AATK: variants seen among roughly 807,000 people sequenced by gnomAD.
AATK encodes the protein lemur tail kinase 1.
AATK carries 91 observed loss-of-function variants against 114.3 expected under a neutral mutation model. That is an observed-to-expected ratio of 0.80 (90% CI 0.67 to 0.95). The LOEUF (loss-of-function observed/expected upper bound fraction) is 0.95. Ranked by LOEUF, AATK falls within the 40% of genes least tolerant of loss-of-function variation. The pLI is 0.00. For synonymous variants in AATK, 1,075 were observed against 916.5 expected, an observed-to-expected ratio of 1.17 and a Z score of -3.12; for missense variants, 2,176 against 1,965.2, an observed-to-expected ratio of 1.11 and a Z score of -2.03.
chr17:81,160,855 A>G lies in AATK; in HGVS notation c.55+5083T>C, dbSNP rs568388057. Among the ~76,000 whole-genome samples the G allele has an allele frequency of 3.3e-5, 5 of 152,300 alleles. No homozygotes were observed. In the East Asian group the frequency reaches 9.7e-4, roughly 29 times the overall value. On this transcript the variant is annotated intron_variant, in intron 1 of 13. Coordinates refer to ENST00000326724, the MANE Select transcript of AATK (RefSeq NM_001080395.3). The stretch of plus-strand genomic sequence containing the variant: ...GGTGACAGCAGAACAGCGTGGTCCC[A>G]GGCTCACCGCCGACACCACATCCGA...
At chr17:81,133,353 C>T in intron 2 of AATK, 2 of 369,642 alleles carry the variant, frequency 5.4e-6, no homozygotes, top group Non-Finnish European at 1.1e-5. Flanking sequence ...CATGACATAC[C>T]AGGGGCAGGG....
rs1464586498 is a variant in AATK, at chr17:81,122,386, G to C, written c.1550C>G (p.Pro517Arg). 1 of 1,488,658 alleles carries C rather than the reference G, an allele frequency of 6.7e-7. No individual in the cohort carries two copies. Among genetic ancestry groups the C allele is most frequent in the Admixed American group, 2.2e-5 (1 of 45,964 alleles). The allele number at this position is 1,488,658 out of a possible 1,614,324, so 92.2% of individuals were successfully genotyped here. The change falls in exon 11 of 14, where the codon CCG becomes CGG. Residue 517 changes from proline (P) to arginine (R), a missense_variant. By Grantham distance (103) the Pro-to-Arg change is moderately radical. Coordinates refer to ENST00000326724, the MANE Select transcript of AATK (RefSeq NM_001080395.3). ...CGACGGGCTGTGCGCGCTGAGCACC[G>C]GAACCACGCCCGGGGGCGCGCCGTC... ...APDGAPPGVV[P>R]VLSAHSPSLG...
In AATK at chr17:81,126,411, C is replaced by G; in HGVS notation, c.755+16G>C. ...GGCCTAGGGCTTCCCGGCCGCTGGC[C>G]CGCGCCCGCCCTCACCTGTGCACGA... is the stretch of plus-strand genomic sequence containing the variant. On this transcript the variant is annotated intron_variant, in intron 7 of 13. Transcript: ENST00000326724. This position sits in a 1 kb window ranked among gnomAD's most constrained non-coding sequence, Gnocchi z 5.1. 2 of 1,550,538 alleles carry G rather than the reference C, an allele frequency of 1.3e-6. No homozygotes were observed. The highest frequency in any genetic ancestry group is 1.7e-6 in the Non-Finnish European group (2 of 1,146,100).
In AATK at chr17:81,166,009, G is replaced by A. The variant is rs376268971; in HGVS notation, c.-17C>T. On this transcript the variant is annotated 5_prime_UTR_variant, in exon 1 of 14. Coordinates refer to ENST00000326724, the MANE Select transcript of AATK (RefSeq NM_001080395.3). Reference sequence around the variant, plus strand: ...CGACGACATGGCCGGGCCAGCGGCCGGCGGGCATCCCGGGAGGGCGCTGCG... The same window carrying A: ...CGACGACATGGCCGGGCCAGCGGCCAGCGGGCATCCCGGGAGGGCGCTGCG... 4.6e-4 allele frequency: 719 copies of A among 1,551,626 alleles called. No individual in the cohort carries two copies. The highest frequency in any genetic ancestry group is 5.8e-4 in the Non-Finnish European group (672 of 1,151,424).
intron 1 of AATK, among the ~76,000 whole-genome samples, chr17:81,139,613 G>A (rs370628459): frequency 2.7e-5 from 2 of 75,322 alleles, no homozygotes; most frequent in Non-Finnish European, 6.0e-5. Context: ...TGGCCATACC[G>A]CGGTCCCTGG....
In AATK at chr17:81,126,018, C is replaced by G. The variant is rs2060815044; in HGVS notation, c.755+409G>C. 2 of 478,080 alleles carry G rather than the reference C, an allele frequency of 4.2e-6. No individual in the cohort carries two copies. The highest frequency in any genetic ancestry group is 4.7e-5 in the Admixed American group (2 of 42,686). 29.6% of individuals were successfully genotyped at this position (478,080 alleles called of 1,614,324 possible). On this transcript the variant is annotated intron_variant, in intron 7 of 13. Transcript: ENST00000326724. The surrounding 1 kb of genome is among the most constrained non-coding windows in gnomAD (Gnocchi z 5.1). ...TCGCCACTTCTTCCAGCATGTCCCC[C>G]CGGGGTCCCCAGGGGCTGGGCATCC...
In AATK at chr17:81,120,586, A is replaced by G. The variant is rs763110575; in HGVS notation, c.3350T>C (p.Phe1117Ser). ...TGACAACAGTCCTGGGGGCCCCTGG[A>G]ACTCAGAGCTGTTGCCTTCTGATCT... ...PLRSEGNSSE[F>S]QGPPGLLSGP... The change falls in exon 11 of 14, where the codon TTC becomes TCC. Residue 1117 changes from phenylalanine to serine, a missense_variant. Around this residue, in one of 4 missense-constraint regions of AATK, gnomAD observed 1,701 missense variants for 1,394.7 expected, o/e 1.22. Coordinates refer to ENST00000326724, the MANE Select transcript of AATK (RefSeq NM_001080395.3). 2 of 1,538,188 alleles carry G rather than the reference A, an allele frequency of 1.3e-6. No homozygotes were observed. Among genetic ancestry groups the G allele is most frequent in the African/African-American group, 1.4e-5 (1 of 72,254 alleles).
chr17:81,146,701 A>G (rs1411728500), intron 1 of AATK, among the ~76,000 whole-genome samples: 2 of 152,172 alleles, frequency 1.3e-5, no homozygotes, highest in Non-Finnish European at 2.9e-5. Flanking sequence ...CCTGGATGAC[A>G]GAGCAAGACG....
At chr17:81,127,268 C>A (rs2060852417) in intron 6 of AATK, among the ~76,000 whole-genome samples, 1 of 151,506 alleles carries the variant, frequency 6.6e-6, no homozygotes, top group African/African-American at 2.4e-5. Flanking sequence ...GGGCCAGTGC[C>A]CCCCCCCAGT....
Position 81,134,434 on chromosome 17 carries a change from C to T in AATK, c.123G>A (p.Gly41=), listed in dbSNP as rs771748759. The T allele has an allele frequency of 1.2e-6, 2 of 1,613,264 alleles. No individual in the cohort carries two copies. The highest frequency in any genetic ancestry group is 1.7e-6 in the Non-Finnish European group (2 of 1,179,802). Residue 41 remains glycine, a synonymous_variant, in exon 2 of 14, where the codon GGG becomes GGA. Coordinates refer to ENST00000326724, the MANE Select transcript of AATK (RefSeq NM_001080395.3). Reference sequence around the variant, plus strand: ...GCATGAGGACGATGACGGCGAAGAGCCCGGAGAAAGACACAGCCACCACGG... The same window carrying T: ...GCATGAGGACGATGACGGCGAAGAGTCCGGAGAAAGACACAGCCACCACGG... ...SLAVVAVSFS[G]LFAVIVLMLA...
chr17:81,137,051 A>T (rs1188476616), intron 1 of AATK, among the ~76,000 whole-genome samples: 1 of 152,136 alleles, frequency 6.6e-6, no homozygotes, highest in East Asian at 1.9e-4. Context: ...TGAGGTCAGG[A>T]GTTCGAGACC....
chr17:81,144,690 G>A (rs1409017582), intron 1 of AATK, among the ~76,000 whole-genome samples: 1 of 152,254 alleles, frequency 6.6e-6, no homozygotes, highest in Non-Finnish European at 1.5e-5. Context: ...GAGTGTGGCA[G>A]AGTCTGAGAG....
intron 1 of AATK, among the ~76,000 whole-genome samples, chr17:81,160,777 C>T (rs1403165639): frequency 6.6e-6 from 1 of 152,226 alleles, no homozygotes; most frequent in Non-Finnish European, 1.5e-5. Flanking sequence ...GGTCAGGTGG[C>T]CCTCGAGAAA....
chr17:81,119,895 G>T, intron 12 of AATK, 41 bp downstream of exon 12: 5 of 1,403,018 alleles, frequency 3.6e-6, no homozygotes, highest in Non-Finnish European at 4.6e-6. Flanking sequence ...ACCAGGCCCT[G>T]CCTCCCGTGA....
Position 81,118,348 on chromosome 17 carries a change from G to A in AATK, c.*54C>T. The stretch of plus-strand genomic sequence containing the variant: ...CTTCTCGGTCACCATCCTCGCTGCT[G>A]CCTGGCAGGGGCTCCGGTGACGCCA... On this transcript the variant is annotated 3_prime_UTR_variant, in exon 14 of 14. Transcript: ENST00000326724. 2 of 1,549,496 alleles carry A rather than the reference G, an allele frequency of 1.3e-6. No individual in the cohort carries two copies. Among genetic ancestry groups the A allele is most frequent in the Non-Finnish European group, 1.7e-6 (2 of 1,143,738 alleles).
chr17:81,122,391 C>T lies in AATK; in HGVS notation c.1545G>A (p.Val515=), dbSNP rs1398249844. The change falls in exon 11 of 14, where the codon GTG becomes GTA. Residue 515 remains valine, a synonymous_variant. Coordinates refer to ENST00000326724, the MANE Select transcript of AATK (RefSeq NM_001080395.3). Reference sequence around the variant, plus strand: ...GGCTGTGCGCGCTGAGCACCGGAACCACGCCCGGGGGCGCGCCGTCGGGGG... The same window carrying T: ...GGCTGTGCGCGCTGAGCACCGGAACTACGCCCGGGGGCGCGCCGTCGGGGG... The part of the protein sequence containing the change: ...LCAPDGAPPG[V]VPVLSAHSPS... 2 of 1,483,590 alleles carry T rather than the reference C, an allele frequency of 1.3e-6. No individual in the cohort carries two copies. The highest frequency in any genetic ancestry group is 2.9e-5 in the East Asian group (1 of 35,038). The allele number at this position is 1,483,590 out of a possible 1,614,324, so 91.9% of individuals were successfully genotyped here.
intron 2 of AATK, among the ~76,000 whole-genome samples, chr17:81,134,155 C>G (rs2060976746): frequency 6.6e-6 from 1 of 152,184 alleles, no homozygotes; most frequent in South Asian, 2.1e-4. Flanking sequence ...CACAGAGGGC[C>G]TCAAAGTCGA....
chr17:81,154,078 A>AAAAAC (rs142504529), intron 1 of AATK, among the ~76,000 whole-genome samples: 3 of 151,330 alleles, frequency 2.0e-5, no homozygotes, highest in Admixed American at 6.6e-5. Context: ...CTCCATCTCA[A>AAAAAC]AAAACAAAAC....
intron 7 of AATK, among the ~76,000 whole-genome samples, chr17:81,125,558 T>C (rs57879274): frequency 0.096 from 14,670 of 152,208 alleles, 934 homozygotes; most frequent in African/African-American, 0.18. Flanking sequence ...CTGGAAAGAA[T>C]GCAGGTTACG....
Sources: allele counts gnomAD v4.1 joint callset (sites outside exome capture counted in the v4.1 genomes callset), GRCh38; gene constraint gnomAD v4.1.1; regional missense constraint gnomAD v4.1.1; non-coding constraint Gnocchi (gnomAD v3.1); transcripts MANE v1.5; gene names NCBI Gene and HGNC (gene_info 2026-07-23, HGNC 2026-07-21).